The following IGF1R variants were observed in gnomAD, a reference collection of about 807,000 sequenced individuals.
IGF1R encodes the protein insulin like growth factor 1 receptor.
Under a neutral mutation model 144.6 loss-of-function variants are expected in IGF1R, and 44 were observed. The observed-to-expected ratio is 0.30, with a 90% CI of 0.24 to 0.39. IGF1R has a LOEUF of 0.39. Ranked by LOEUF, IGF1R falls within the 10% of genes least tolerant of loss-of-function variation. IGF1R has a pLI of 1.00. For synonymous variants in IGF1R, 795 were observed against 722.8 expected, an observed-to-expected ratio of 1.10 and a Z score of -1.60; for missense variants, 1,355 against 1,833.7, an observed-to-expected ratio of 0.74 and a Z score of 4.77.
rs1208200089 is a variant in IGF1R at position 98,935,274 on chromosome 15, C to T, written c.3187-42C>T. 4.1e-6 allele frequency: 5 copies of T among 1,205,654 alleles called. No individual in the cohort carries two copies. In the African/African-American group the frequency reaches 1.3e-4, roughly 31 times the overall value. 74.7% of individuals were successfully genotyped at this position (1,205,654 alleles called of 1,614,324 possible). ...CAGACAACACAGGCATCAGCAAGGG[C>T]CACCTGACCCTCTGAGTCTTTCTCT... is the stretch of plus-strand genomic sequence containing the variant. On this transcript the variant is annotated intron_variant, in intron 16 of 20. Transcript: ENST00000650285. This position sits in a 1 kb window ranked among gnomAD's most constrained non-coding sequence, Gnocchi z 4.2.
intron 2 of IGF1R, among the ~76,000 whole-genome samples, chr15:98,851,416 C>T (rs2011523481): frequency 6.6e-6 from 1 of 152,178 alleles, no homozygotes; most frequent in Non-Finnish European, 1.5e-5. Flanking sequence ...CGTGACTTAC[C>T]ATCAGAGCGA....
chr15:98,873,066 AAGGATGTCAAGGGGCCACTTCAGG>A (rs1400173099), intron 2 of IGF1R, among the ~76,000 whole-genome samples: 3 of 152,142 alleles, frequency 2.0e-5, no homozygotes, highest in African/African-American at 7.2e-5. Context: ...AAGGCAAGCC[AAGGATGTCAAGGGGCCACTTCAGG>A]GGATGTGCAC....
intron 2 of IGF1R, among the ~76,000 whole-genome samples, chr15:98,881,144 C>T (rs542672111): frequency 6.6e-6 from 1 of 152,280 alleles, no homozygotes; most frequent in East Asian, 1.9e-4. Context: ...ATGCCTGACC[C>T]TTTTCCAGAG....
At chr15:98,834,240 C>G (rs1311972537) in intron 2 of IGF1R, among the ~76,000 whole-genome samples, 3 of 152,170 alleles carry the variant, frequency 2.0e-5, no homozygotes, top group South Asian at 2.1e-4. Flanking sequence ...CTTTAGATCA[C>G]CAGCATCACC....
chr15:98,774,703 T>C (rs1466448756), intron 2 of IGF1R, among the ~76,000 whole-genome samples: 1 of 66,944 alleles, frequency 1.5e-5, no homozygotes, highest in Admixed American at 1.8e-4. Flanking sequence ...GGGTGGGGGG[T>C]GGTTTGGGGA....
intron 2 of IGF1R, among the ~76,000 whole-genome samples, chr15:98,887,946 C>A (rs1265150718): frequency 6.6e-6 from 1 of 152,268 alleles, no homozygotes; most frequent in Non-Finnish European, 1.5e-5. Context: ...TGGGCTAAAC[C>A]CTCTGGGACA....
chr15:98,948,567 C>T lies in IGF1R; in HGVS notation c.3588-7C>T. The T allele has an allele frequency of 1.2e-6, 2 of 1,613,762 alleles. No individual in the cohort carries two copies. Among genetic ancestry groups the T allele is most frequent in the Non-Finnish European group, 8.5e-7 (1 of 1,179,960 alleles). ...CCAAGCTCCTCACAGTTTTTTTCTC[C>T]CTGTAGGTCCTTCGGGGTCGTCCTC... On this transcript the variant is annotated splice_region_variant and splice_polypyrimidine_tract_variant and intron_variant, in intron 19 of 20. Coordinates refer to ENST00000650285, the MANE Select transcript of IGF1R (RefSeq NM_000875.5).
At chr15:98,805,425 A>G (rs2056450473) in intron 2 of IGF1R, among the ~76,000 whole-genome samples, 1 of 152,144 alleles carries the variant, frequency 6.6e-6, no homozygotes, top group African/African-American at 2.4e-5. Flanking sequence ...GAGCAGCAAG[A>G]CCAGACTTCC....
intron 2 of IGF1R, among the ~76,000 whole-genome samples, chr15:98,840,685 T>G (rs1033362590): frequency 7.3e-5 from 11 of 151,010 alleles, no homozygotes; most frequent in African/African-American, 2.7e-4. Flanking sequence ...TTGTTTTTTT[T>G]TTTTTTTTGA....
At chr15:98,664,319 A>G (rs2052673595) in intron 1 of IGF1R, among the ~76,000 whole-genome samples, 1 of 152,048 alleles carries the variant, frequency 6.6e-6, no homozygotes, top group Admixed American at 6.6e-5. Flanking sequence ...GTACCGGGGC[A>G]CGTTATTGAC....
At chr15:98,848,875 AAG>A in intron 2 of IGF1R, among the ~76,000 whole-genome samples, 1 of 152,024 alleles carries the variant, frequency 6.6e-6, no homozygotes, top group South Asian at 2.1e-4. Context: ...TTAAAATAAA[AAG>A]AGAAAACACC....
intron 2 of IGF1R, among the ~76,000 whole-genome samples, chr15:98,886,257 T>C (rs2013635294): frequency 1.3e-5 from 2 of 152,178 alleles, no homozygotes; most frequent in Admixed American, 6.5e-5. Context: ...GGGAGAGAGT[T>C]AAAGGCTGAT....
At chr15:98,899,393 G>A in intron 4 of IGF1R, 84 bp from the exon 5 acceptor site, 2 of 1,407,774 alleles carry the variant, frequency 1.4e-6, no homozygotes, top group Non-Finnish European at 2.0e-6. Context: ...CCGTTGAATT[G>A]TTCTCACTTG....
intron 2 of IGF1R, among the ~76,000 whole-genome samples, chr15:98,728,054 G>GTCT (rs951176335): frequency 8.5e-6 from 1 of 117,976 alleles, no homozygotes; most frequent in African/African-American, 3.2e-5. Flanking sequence ...AAGATTTATT[G>GTCT]TGAAGAGTGA....
chr15:98,871,653 A>G (rs976495732), intron 2 of IGF1R, among the ~76,000 whole-genome samples: 7 of 152,194 alleles, frequency 4.6e-5, no homozygotes, highest in African/African-American at 1.7e-4. Context: ...GGTACATCTC[A>G]CATGGCAGCA....
intron 2 of IGF1R, among the ~76,000 whole-genome samples, chr15:98,841,557 C>A (rs928094735): frequency 6.6e-6 from 1 of 152,192 alleles, no homozygotes; most frequent in Admixed American, 6.6e-5. Flanking sequence ...GCCTCTCTTA[C>A]CTGTTCCCTG....
At chr15:98,698,612 T>C (rs894570065) in intron 1 of IGF1R, among the ~76,000 whole-genome samples, 1 of 152,238 alleles carries the variant, frequency 6.6e-6, no homozygotes, top group Non-Finnish European at 1.5e-5. Flanking sequence ...GGTTGTTGCA[T>C]GTGAGAGGAT....
chr15:98,840,277 C>T (rs540501168), intron 2 of IGF1R, among the ~76,000 whole-genome samples: 36 of 152,174 alleles, frequency 2.4e-4, no homozygotes, highest in Non-Finnish European at 4.1e-4. Flanking sequence ...AAAAACAGTG[C>T]GCACTGTTAT....
At chr15:98,689,517 G>A (rs1205780928) in intron 1 of IGF1R, among the ~76,000 whole-genome samples, 7 of 150,178 alleles carry the variant, frequency 4.7e-5, no homozygotes, top group African/African-American at 1.7e-4. Flanking sequence ...GTGAGTCACT[G>A]TGCTCAGCCA....
Sources: gnomAD v4.1 joint callset for allele counts (sites outside exome capture counted in the v4.1 genomes callset) on GRCh38, gnomAD v4.1.1 for gene constraint, Gnocchi (gnomAD v3.1) non-coding constraint, MANE v1.5 for transcripts, NCBI Gene and HGNC (gene_info 2026-07-23, HGNC 2026-07-21) for gene names.